The following CNTN5 variants were observed in gnomAD, a reference collection of about 807,000 sequenced individuals.
The protein encoded by CNTN5 is contactin-5.
A neutral mutation model predicts 129.1 loss-of-function variants in CNTN5; 77 were observed. The observed-to-expected ratio is 0.60, with a 90% confidence interval of 0.50 to 0.72. The LOEUF (loss-of-function observed/expected upper bound fraction) is 0.72, where lower values mean the gene tolerates loss of function less well. Among genes scored for constraint, CNTN5 ranks in the 30% least tolerant of loss-of-function variants. The pLI, the probability that CNTN5 is intolerant of heterozygous loss-of-function variation, is 0.00. For synonymous variants in CNTN5, 509 were observed against 465.6 expected (o/e 1.09, Z -1.20); for missense variants, 1,478 against 1,328.8 (o/e 1.11, Z -1.75).
At chr11:99,313,494 A>G (rs1456070004) in intron 1 of CNTN5, among the ~76,000 whole-genome samples, 4 of 152,216 alleles carry the variant, frequency 2.6e-5, no homozygotes, top group Admixed American at 1.3e-4. Context: ...TTGAAACAGC[A>G]GGGAAATTCT....
Position 100,090,512 on chromosome 11 carries a change from TCCC to T in CNTN5, c.1580+16219_1580+16221del, listed in dbSNP as rs1269952826. Among the ~76,000 whole-genome samples the T allele has an allele frequency of 2.4e-3, 81 of 33,760 alleles. 2 individuals are homozygous for T. Among genetic ancestry groups the T allele is most frequent in the Admixed American group, 3.4e-3 (11 of 3,244 alleles). The allele number at this position is 33,760 out of a possible 152,430, so 22.1% of individuals were successfully genotyped here. A position where few individuals can be genotyped will look rare whatever the true frequency, so the allele number is the denominator to read the frequency against. On this transcript the variant is annotated intron_variant, in intron 13 of 24. Coordinates refer to ENST00000524871, the MANE Select transcript of CNTN5 (RefSeq NM_014361.4). Reference sequence around the variant, plus strand: ...CTCCTTTCCTCCTTTCCTCCCTCCCTCCCTCCCTCCCTCCCTTCCTTCCTTCCT... The same window carrying T: ...CTCCTTTCCTCCTTTCCTCCCTCCCTTCCCTCCCTCCCTTCCTTCCTTCCT...
At chr11:99,789,869 T>C (rs1476803994) in intron 3 of CNTN5, among the ~76,000 whole-genome samples, 1 of 152,020 alleles carries the variant, frequency 6.6e-6, no homozygotes, top group African/African-American at 2.4e-5. Flanking sequence ...ATTGATCCCA[T>C]CATCCAGGTA....
intron 13 of CNTN5, among the ~76,000 whole-genome samples, chr11:100,092,314 T>C (rs1230584658): frequency 6.6e-6 from 1 of 152,162 alleles, no homozygotes; most frequent in Non-Finnish European, 1.5e-5. Flanking sequence ...TTCTCATCTT[T>C]ACTTCATTTA....
chr11:99,686,484 T>A, intron 3 of CNTN5, among the ~76,000 whole-genome samples: 1 of 152,268 alleles, frequency 6.6e-6, no homozygotes, highest in Non-Finnish European at 1.5e-5. Flanking sequence ...CAAACAAACA[T>A]CATTTTTAAA....
chr11:99,046,812 T>C (rs1008619868), intron 1 of CNTN5, among the ~76,000 whole-genome samples: 2 of 152,078 alleles, frequency 1.3e-5, no homozygotes, highest in Admixed American at 6.6e-5. Flanking sequence ...TTACTAATAA[T>C]GCAATAAATA....
chr11:99,045,435 G>GAAAGC (rs1864167038), intron 1 of CNTN5, among the ~76,000 whole-genome samples: 1 of 152,128 alleles, frequency 6.6e-6, no homozygotes, highest in East Asian at 1.9e-4. Flanking sequence ...GAGCATCTAC[G>GAAAGC]AAAGCATGTT....
chr11:100,043,673 C>T (rs1470031880), intron 9 of CNTN5, among the ~76,000 whole-genome samples: 4 of 152,122 alleles, frequency 2.6e-5, no homozygotes, highest in African/African-American at 9.6e-5. Flanking sequence ...CTGCCAGGAA[C>T]ATTTTTTGCC....
intron 13 of CNTN5, among the ~76,000 whole-genome samples, chr11:100,101,889 G>GT (rs1945236293): frequency 6.6e-6 from 1 of 152,082 alleles, no homozygotes; most frequent in Non-Finnish European, 1.5e-5. Flanking sequence ...CTCCATCCAT[G>GT]TTGCTGCGAA....
intron 1 of CNTN5, among the ~76,000 whole-genome samples, chr11:99,249,762 C>T (rs572206205): frequency 1.3e-5 from 2 of 151,934 alleles, no homozygotes; most frequent in East Asian, 3.9e-4. Context: ...ATACAGTCTT[C>T]TAGTATAGTG....
chr11:99,310,135 T>C (rs926250092), intron 1 of CNTN5, among the ~76,000 whole-genome samples: 2 of 152,182 alleles, frequency 1.3e-5, no homozygotes, highest in Non-Finnish European at 2.9e-5. Flanking sequence ...ATTTAGTGTA[T>C]GCCAATTTTG....
At chr11:99,112,901 T>A (rs905320286) in intron 1 of CNTN5, among the ~76,000 whole-genome samples, 1 of 151,998 alleles carries the variant, frequency 6.6e-6, no homozygotes, top group African/African-American at 2.4e-5. Flanking sequence ...TAAAAAAAAT[T>A]ATCTCCCTTT....
chr11:99,403,767 AC>A (rs566278724), intron 2 of CNTN5, among the ~76,000 whole-genome samples: 51 of 152,272 alleles, frequency 3.3e-4, no homozygotes, highest in African/African-American at 1.2e-3. Flanking sequence ...TTGTTTTGTG[AC>A]TTAACATATG....
intron 13 of CNTN5, among the ~76,000 whole-genome samples, chr11:100,094,841 C>A (rs1259582017): frequency 2.0e-5 from 3 of 149,298 alleles, no homozygotes; most frequent in African/African-American, 7.4e-5. Flanking sequence ...AAAAAATCAT[C>A]ATTATTCCAT....
At chr11:99,415,341 T>C (rs1274331403) in intron 2 of CNTN5, among the ~76,000 whole-genome samples, 1 of 151,982 alleles carries the variant, frequency 6.6e-6, no homozygotes, top group Non-Finnish European at 1.5e-5. Flanking sequence ...GATCTAATAG[T>C]AGTCTAATAG....
chr11:99,182,957 A>G (rs1268031723), intron 1 of CNTN5, among the ~76,000 whole-genome samples: 2 of 152,166 alleles, frequency 1.3e-5, no homozygotes, highest in Non-Finnish European at 2.9e-5. Flanking sequence ...TTATTAGTAG[A>G]TAATGGGGTA....
At chr11:99,807,702 T>G (rs938418238) in intron 3 of CNTN5, among the ~76,000 whole-genome samples, 1 of 152,046 alleles carries the variant, frequency 6.6e-6, no homozygotes, top group African/African-American at 2.4e-5. Flanking sequence ...TAAATAAAAA[T>G]TAGAAAATTA....
intron 3 of CNTN5, among the ~76,000 whole-genome samples, chr11:99,621,138 A>G (rs1276958153): frequency 3.9e-5 from 6 of 152,202 alleles, no homozygotes; most frequent in Non-Finnish European, 7.3e-5. Flanking sequence ...TAGGCACAGG[A>G]TACTATGGAG....
intron 3 of CNTN5, among the ~76,000 whole-genome samples, chr11:99,779,670 A>C (rs906488215): frequency 6.6e-6 from 1 of 152,012 alleles, no homozygotes; most frequent in African/African-American, 2.4e-5. Context: ...TACTATATTG[A>C]CAAGGAAATT....
intron 1 of CNTN5, among the ~76,000 whole-genome samples, chr11:99,031,406 G>A (rs1401251756): frequency 1.3e-5 from 2 of 151,906 alleles, no homozygotes; most frequent in African/African-American, 4.8e-5. Context: ...TTCTACTGTT[G>A]CAGAAGATAT....
Sources: allele counts gnomAD v4.1 joint callset (sites outside exome capture counted in the v4.1 genomes callset), GRCh38; gene constraint gnomAD v4.1.1; transcripts MANE v1.5; gene names NCBI Gene and HGNC (gene_info 2026-07-23, HGNC 2026-07-21).